The following PCBP3 variants were observed in gnomAD, a reference collection of about 807,000 sequenced individuals.
PCBP3 encodes poly(rC) binding protein 3, also known as poly(rC)-binding protein 3.
In PCBP3, 25 loss-of-function variants were observed where a neutral mutation model predicts 52.7. The ratio of observed to expected loss-of-function variants is 0.47; its 90% CI spans 0.35 to 0.66. PCBP3 has a LOEUF of 0.66. Among genes scored for constraint, PCBP3 ranks in the 30% least tolerant of loss-of-function variants. PCBP3 has a pLI of 0.01. For missense variants in PCBP3, 391 were observed against 490.3 expected (o/e 0.80, Z 1.91); for synonymous variants, 162 against 183.0 (o/e 0.89, Z 0.93).
chr21:45,681,798 T>C (rs1173149680), intron 2 of PCBP3, among the ~76,000 whole-genome samples: 1 of 152,144 alleles, frequency 6.6e-6, no homozygotes, highest in African/African-American at 2.4e-5. Flanking sequence ...TCTTCTTTTG[T>C]CTTCTGGAAA....
chr21:45,877,003 C>T (rs1035978027), intron 5 of PCBP3, among the ~76,000 whole-genome samples: 2 of 152,266 alleles, frequency 1.3e-5, no homozygotes, highest in Admixed American at 6.5e-5. Context: ...GCCGCACTCA[C>T]AGCTGTGTGA....
intron 5 of PCBP3, among the ~76,000 whole-genome samples, chr21:45,875,666 G>C (rs1422964771): frequency 6.6e-6 from 1 of 152,216 alleles, no homozygotes; most frequent in Non-Finnish European, 1.5e-5. Context: ...GGCGAGAGCA[G>C]GACAGATACT....
intron 4 of PCBP3, among the ~76,000 whole-genome samples, chr21:45,825,824 G>A (rs2093291796): frequency 6.6e-6 from 1 of 152,180 alleles, no homozygotes; most frequent in South Asian, 2.1e-4. Context: ...GGGGGCGCAT[G>A]TGGAATCTTT....
At chr21:45,663,433 CTG>C (rs1370676759) in intron 1 of PCBP3, among the ~76,000 whole-genome samples, 1 of 152,156 alleles carries the variant, frequency 6.6e-6, no homozygotes, top group African/African-American at 2.4e-5. Context: ...TCTCTCATCT[CTG>C]TGCATAGGGA....
chr21:45,781,245 C>G (rs1363021805), intron 4 of PCBP3, among the ~76,000 whole-genome samples: 1 of 152,106 alleles, frequency 6.6e-6, no homozygotes, highest in Non-Finnish European at 1.5e-5. Flanking sequence ...AAAAACAAGC[C>G]ACAGACTGGG....
At chr21:45,902,050 G>C (rs937025884) in intron 9 of PCBP3, among the ~76,000 whole-genome samples, 2 of 152,218 alleles carry the variant, frequency 1.3e-5, no homozygotes, top group Non-Finnish European at 2.9e-5. Flanking sequence ...AGGAGGGGGA[G>C]CTTGGGAGTG....
In PCBP3 at chr21:45,786,681, A is replaced by G. The variant is rs115140609; in HGVS notation, c.-126+31229A>G. On this transcript the variant is annotated intron_variant, in intron 4 of 17. Coordinates refer to ENST00000681687, the MANE Select transcript of PCBP3 (RefSeq NM_001384156.1). ...TAGTAAGAGAATTACATATATTGCT[A>G]CGTTCGTTCCAACTCATGGTATGTT... 5.0e-3 allele frequency among the ~76,000 whole-genome samples: 767 copies of G among 152,326 alleles called. 5 individuals carry two copies. Among genetic ancestry groups the G allele is most frequent in the African/African-American group, 0.018 (730 of 41,558 alleles).
intron 13 of PCBP3, among the ~76,000 whole-genome samples, chr21:45,921,166 T>TGGTATTTAGTAGACATTTTTAAAGCATC (rs2074377499): frequency 6.7e-6 from 1 of 149,404 alleles, no homozygotes; most frequent in African/African-American, 2.4e-5. Context: ...TATCTGAGCT[T>TGGTATTTAGTAGACATTTTTAAAGCATC]GGTATTTAGT....
intron 3 of PCBP3, among the ~76,000 whole-genome samples, chr21:45,742,422 C>G (rs894588010): frequency 1.3e-5 from 2 of 152,182 alleles, no homozygotes; most frequent in African/African-American, 2.4e-5. Flanking sequence ...ACAATAATGT[C>G]GTTTTCCCCC....
chr21:45,784,364 A>G lies in PCBP3; in HGVS notation c.-126+28912A>G, dbSNP rs1452047182. ...TACCTCTACCTCTACCTCTACCTCT[A>G]CCTCTACCTCTACCTCTACCTCTAC... On this transcript the variant is annotated intron_variant, in intron 4 of 17. Transcript: ENST00000681687. Among the ~76,000 whole-genome samples the G allele has an allele frequency of 5.2e-3, 761 of 147,390 alleles. 7 individuals carry two copies. The highest frequency in any genetic ancestry group is 0.019 in the African/African-American group (731 of 39,350).
chr21:45,819,248 G>A (rs1349455345), intron 4 of PCBP3, among the ~76,000 whole-genome samples: 2 of 152,088 alleles, frequency 1.3e-5, no homozygotes, highest in Non-Finnish European at 1.5e-5. Flanking sequence ...GGGGATGGGG[G>A]TATATAGGAA....
chr21:45,806,892 G>A (rs558871951), intron 4 of PCBP3, among the ~76,000 whole-genome samples: 23 of 152,268 alleles, frequency 1.5e-4, no homozygotes, highest in African/African-American at 2.4e-4. Context: ...GATGCTCCGA[G>A]CTCCTTGTCA....
At chr21:45,727,414 C>T (rs1310407945) in intron 2 of PCBP3, among the ~76,000 whole-genome samples, 1 of 152,164 alleles carries the variant, frequency 6.6e-6, no homozygotes, top group Non-Finnish European at 1.5e-5. Flanking sequence ...AAATGACTGT[C>T]ATGAAGGAAG....
intron 2 of PCBP3, among the ~76,000 whole-genome samples, chr21:45,694,791 T>C (rs1214680443): frequency 6.6e-6 from 1 of 152,162 alleles, no homozygotes. Context: ...CAGAATATCA[T>C]TGAGAAAAAT....
rs532220583 is a variant in PCBP3 at position 45,862,331 on chromosome 21, C to T, written c.10+12236C>T. ...CATAAAAATGCACAAAATGCAATACCGTGGGGAATCTGCTCCCTTTTATGC... is the reference window on the plus strand; with the variant it reads ...CATAAAAATGCACAAAATGCAATACTGTGGGGAATCTGCTCCCTTTTATGC... On this transcript the variant is annotated intron_variant, in intron 5 of 17. Coordinates refer to ENST00000681687, the MANE Select transcript of PCBP3 (RefSeq NM_001384156.1). Among the ~76,000 whole-genome samples, 29 of 152,098 alleles carry T rather than the reference C, an allele frequency of 1.9e-4. No individual in the cohort carries two copies. The South Asian group carries it at 5.2e-3, about 27-fold the overall frequency.
chr21:45,720,568 A>G (rs768874339), intron 2 of PCBP3, among the ~76,000 whole-genome samples: 2 of 152,266 alleles, frequency 1.3e-5, no homozygotes, highest in African/African-American at 4.8e-5. Flanking sequence ...GTGTGAGTAA[A>G]TTATTCTTTT....
chr21:45,771,404 T>C (rs1217767581), intron 4 of PCBP3, among the ~76,000 whole-genome samples: 1 of 152,190 alleles, frequency 6.6e-6, no homozygotes, highest in African/African-American at 2.4e-5. Context: ...ATTAGCAGTT[T>C]AGTGTGGTGG....
In PCBP3 at chr21:45,802,783, G is replaced by A. The variant is rs1284511970; in HGVS notation, c.-125-47178G>A. Reference sequence around the variant, plus strand: ...AGGGCTGGTGCTGGGAGGAGGCAGGGATGGGAAGGGTCCCCGAGGGCCCTG... The same window carrying A: ...AGGGCTGGTGCTGGGAGGAGGCAGGAATGGGAAGGGTCCCCGAGGGCCCTG... On this transcript the variant is annotated intron_variant, in intron 4 of 17. Coordinates refer to ENST00000681687, the MANE Select transcript of PCBP3 (RefSeq NM_001384156.1). This position sits in a 1 kb window ranked among gnomAD's most constrained non-coding sequence, Gnocchi z 5.1. 6.6e-6 allele frequency among the ~76,000 whole-genome samples: 1 copy of A among 152,188 alleles called. No homozygotes were observed. Among genetic ancestry groups the A allele is most frequent in the African/African-American group, 2.4e-5 (1 of 41,444 alleles).
intron 8 of PCBP3, 113 bp downstream of exon 8, chr21:45,900,736 T>C: frequency 1.1e-6 from 1 of 897,942 alleles, no homozygotes; most frequent in Admixed American, 1.9e-5. Flanking sequence ...CCGGGGTGTG[T>C]GGGGAGTGCA....
Sources: gnomAD v4.1 joint callset for allele counts (sites outside exome capture counted in the v4.1 genomes callset) on GRCh38, gnomAD v4.1.1 for gene constraint, Gnocchi (gnomAD v3.1) non-coding constraint, MANE v1.5 for transcripts, NCBI Gene and HGNC (gene_info 2026-07-23, HGNC 2026-07-21) for gene names.